The following PPP4R3A variants were observed in gnomAD, a reference collection of about 807,000 sequenced individuals.
PPP4R3A encodes serine/threonine-protein phosphatase 4 regulatory subunit 3A.
In PPP4R3A, 15 loss-of-function variants were observed where a neutral mutation model predicts 91.7. The ratio of observed to expected loss-of-function variants is 0.16; its 90% CI spans 0.11 to 0.25. The LOEUF (loss-of-function observed/expected upper bound fraction) is 0.25, where lower values mean the gene tolerates loss of function less well. PPP4R3A is among the 10% of genes least tolerant of loss of function. PPP4R3A has a pLI of 1.00. For missense variants in PPP4R3A, 623 were observed against 998.4 expected (o/e 0.62, Z 5.07); for synonymous variants, 377 against 348.7 (o/e 1.08, Z -0.91).
At chr14:91,505,344 G>C (rs1891227174) in intron 1 of PPP4R3A, among the ~76,000 whole-genome samples, 1 of 151,750 alleles carries the variant, frequency 6.6e-6, no homozygotes. Flanking sequence ...TCCCAGGCTT[G>C]AGGCTTGAAG....
chr14:91,498,261 G>T lies in PPP4R3A; in HGVS notation c.143-7459C>A, dbSNP rs571385229. ...GAAGCAGGAGAATTGCTTGAACCTG[G>T]GAGGCAGAGGTTGCAGTAAGCCAAG... On this transcript the variant is annotated intron_variant, in intron 1 of 14. Coordinates refer to ENST00000554943, the MANE Select transcript of PPP4R3A (RefSeq NM_001366432.2). Among the ~76,000 whole-genome samples, 108 of 152,110 alleles carry T rather than the reference G, an allele frequency of 7.1e-4. 1 individual carries two copies. The Middle Eastern group carries it at 0.017, about 24-fold the overall frequency.
intron 10 of PPP4R3A, chr14:91,466,342 C>A: frequency 1.0e-6 from 1 of 985,728 alleles, no homozygotes; most frequent in Non-Finnish European, 1.2e-6. Context: ...ATGGAAGTGG[C>A]TCGTTAAATT....
At chr14:91,504,170 GAAAAA>G (rs74926061) in intron 1 of PPP4R3A, among the ~76,000 whole-genome samples, 2 of 148,606 alleles carry the variant, frequency 1.3e-5, no homozygotes, top group Admixed American at 1.3e-4. Flanking sequence ...TTAAAAAAAA[GAAAAA>G]AAAAATTTTT....
chr14:91,487,947 T>C (rs1358112936), intron 2 of PPP4R3A, among the ~76,000 whole-genome samples: 5 of 152,170 alleles, frequency 3.3e-5, no homozygotes, highest in Non-Finnish European at 5.9e-5. Flanking sequence ...TCCTGGGCTC[T>C]AGAAGTGCTA....
At chr14:91,474,597 A>G (rs1026214135) in intron 7 of PPP4R3A, 1 of 151,812 alleles carries the variant, frequency 6.6e-6, no homozygotes, top group African/African-American at 2.4e-5. Context: ...TTTATTTTCA[A>G]TAATACAGAT....
chr14:91,466,453 T>C, intron 10 of PPP4R3A: 1 of 985,836 alleles, frequency 1.0e-6, no homozygotes, highest in Non-Finnish European at 1.2e-6. Context: ...CAGCTCAATT[T>C]TTCTTTAGTT....
In PPP4R3A at chr14:91,465,281, G is replaced by T; in HGVS notation, c.1799C>A (p.Ala600Asp). The T allele has an allele frequency of 6.3e-7, 1 of 1,585,076 alleles. No individual in the cohort carries two copies. The highest frequency in any genetic ancestry group is 8.5e-7 in the Non-Finnish European group (1 of 1,170,460). The change falls in exon 11 of 15, where the codon GCC becomes GAC. Residue 600 changes from alanine to aspartate, a missense_variant. Ala to Asp is a moderately radical substitution (Grantham distance 126). Coordinates refer to ENST00000554943, the MANE Select transcript of PPP4R3A (RefSeq NM_001366432.2). ...NGSRYNLMNSAIIEMFEFIRV... is the reference protein window; with the variant it reads ...NGSRYNLMNSDIIEMFEFIRV... ...AATAAATTCAAACATCTCTATTATGGCAGAGTTCATCAGATTGTAGCGGGA... is the reference window on the plus strand; with the variant it reads ...AATAAATTCAAACATCTCTATTATGTCAGAGTTCATCAGATTGTAGCGGGA...
rs1555434924 is a variant in PPP4R3A at position 91,472,824 on chromosome 14, A to AAC, written c.1501+208_1501+209insGT. Among the ~76,000 whole-genome samples the AAC allele has an allele frequency of 7.3e-5, 11 of 150,402 alleles. 1 individual carries two copies. Among genetic ancestry groups the AAC allele is most frequent in the Admixed American group, 6.0e-4 (9 of 15,032 alleles). On this transcript the variant is annotated intron_variant, in intron 9 of 14. Coordinates refer to ENST00000554943, the MANE Select transcript of PPP4R3A (RefSeq NM_001366432.2). ...ATTCTCCAGGTTGCTTTTGATAAAA[A>AAC]CAACCAACCAACCAACCAACCAACC...
Position 91,509,632 on chromosome 14 carries a change from G to T in PPP4R3A, c.16C>A (p.Arg6=). 6.3e-7 allele frequency: 1 copy of T among 1,599,162 alleles called. No homozygotes were observed. The highest frequency in any genetic ancestry group is 1.3e-5 in the African/African-American group (1 of 74,858). Residue 6 remains arginine (R), a synonymous_variant, in exon 1 of 15, where the codon CGG becomes AGG. Transcript: ENST00000554943. The part of the protein sequence containing the change: MTDTR[R]RVKVYTLNED... ...TTGAGCGTGTACACCTTCACCCGCC[G>T]CCGGGTGTCGGTCATCGTGCCGCCC...
At chr14:91,472,888 C>T in intron 9 of PPP4R3A, 145 bp downstream of exon 9, 1 of 694,564 alleles carries the variant, frequency 1.4e-6, no homozygotes, top group Non-Finnish European at 2.4e-6. Flanking sequence ...ATGGTTTGAA[C>T]TTTTAAAGAC....
At chr14:91,503,219 C>T (rs1891067543) in intron 1 of PPP4R3A, among the ~76,000 whole-genome samples, 1 of 152,096 alleles carries the variant, frequency 6.6e-6, no homozygotes, top group South Asian at 2.1e-4. Context: ...AACTTCTGGC[C>T]TTGAGCAATC....
At chr14:91,476,199 A>G (rs1459993056) in intron 6 of PPP4R3A, among the ~76,000 whole-genome samples, 1 of 152,324 alleles carries the variant, frequency 6.6e-6, no homozygotes, top group East Asian at 1.9e-4. Flanking sequence ...CTGACAAACT[A>G]TCATTAAATT....
intron 10 of PPP4R3A, among the ~76,000 whole-genome samples, chr14:91,469,207 A>AAC (rs2140084452): frequency 6.6e-6 from 1 of 152,314 alleles, no homozygotes; most frequent in South Asian, 2.1e-4. Flanking sequence ...ATAATGGAAC[A>AAC]CTAGGCATAA....
At chr14:91,494,246 T>G (rs922687480) in intron 1 of PPP4R3A, among the ~76,000 whole-genome samples, 2 of 152,156 alleles carry the variant, frequency 1.3e-5, no homozygotes, top group African/African-American at 4.8e-5. Flanking sequence ...AGGACCCAAC[T>G]AGGAAACGCT....
At chr14:91,465,192 A>G (rs1327084728) in intron 11 of PPP4R3A, 58 bp downstream of exon 11, 1 of 1,317,352 alleles carries the variant, frequency 7.6e-7, no homozygotes, top group African/African-American at 1.5e-5. Context: ...TAGGTAATGC[A>G]TATTCAATTT....
At chr14:91,501,691 T>C (rs996126178) in intron 1 of PPP4R3A, among the ~76,000 whole-genome samples, 2 of 143,442 alleles carry the variant, frequency 1.4e-5, no homozygotes, top group African/African-American at 5.2e-5. Flanking sequence ...CTCATGTAGG[T>C]GGGAGACTAA....
chr14:91,498,603 G>A (rs965124814), intron 1 of PPP4R3A, among the ~76,000 whole-genome samples: 1 of 152,114 alleles, frequency 6.6e-6, no homozygotes, highest in Non-Finnish European at 1.5e-5. Context: ...TCTGCTATGG[G>A]AGGATCACTT....
Position 91,507,394 on chromosome 14 carries a change from T to TATACTATAATTATATATACTAATA in PPP4R3A, c.142+2111_142+2112insTATTAGTATATATAATTATAGTAT, listed in dbSNP as rs1566660222. On this transcript the variant is annotated intron_variant, in intron 1 of 14. Coordinates refer to ENST00000554943, the MANE Select transcript of PPP4R3A (RefSeq NM_001366432.2). The stretch of plus-strand genomic sequence containing the variant: ...ATAATTATATATACTATATAGTATA[T>TATACTATAATTATATATACTAATA]GTACTATAATTATATATACTATATA... Among the ~76,000 whole-genome samples the TATACTATAATTATATATACTAATA allele has an allele frequency of 9.2e-4, 55 of 59,664 alleles. 4 individuals are homozygous for TATACTATAATTATATATACTAATA. Among genetic ancestry groups the TATACTATAATTATATATACTAATA allele is most frequent in the African/African-American group, 2.8e-3 (54 of 19,062 alleles). The allele number at this position is 59,664 out of a possible 152,430, so 39.1% of individuals were successfully genotyped here.
intron 1 of PPP4R3A, among the ~76,000 whole-genome samples, chr14:91,507,417 A>AGT: frequency 1.1e-5 from 1 of 92,216 alleles, no homozygotes; most frequent in Admixed American, 1.3e-4. Flanking sequence ...TATATACTAT[A>AGT]TAATATATAT....
Sources: allele counts gnomAD v4.1 joint callset (sites outside exome capture counted in the v4.1 genomes callset), GRCh38; gene constraint gnomAD v4.1.1; transcripts MANE v1.5; gene names NCBI Gene and HGNC (gene_info 2026-07-23, HGNC 2026-07-21).